Variants in PDE10A observed in about 807,000 individuals in gnomAD.
PDE10A encodes phosphodiesterase 10A.
Under a neutral mutation model 97.7 loss-of-function variants are expected in PDE10A, and 39 were observed. The observed-to-expected ratio is 0.40, with a 90% CI of 0.31 to 0.52. The LOEUF (loss-of-function observed/expected upper bound fraction) is 0.52. Among genes scored for constraint, PDE10A ranks in the 20% least tolerant of loss-of-function variants. The pLI, the probability that PDE10A is intolerant of heterozygous loss-of-function variation, is 0.56. For missense variants in PDE10A, 731 were observed against 1,047.8 expected (o/e 0.70, Z 4.17); for synonymous variants, 371 against 376.8 (o/e 0.98, Z 0.18).
rs1008326087 is a variant in PDE10A, at chr6:165,779,821, G to A, written c.-615+207708C>T. Among the ~76,000 whole-genome samples, 6 of 152,186 alleles carry A rather than the reference G, an allele frequency of 3.9e-5. No homozygotes were observed. The East Asian group carries it at 1.2e-3, about 29-fold the overall frequency. On this transcript the variant is annotated intron_variant, in intron 1 of 19. Coordinates refer to the PDE10A transcript ENST00000366882. ...CTGTCCCTGACTCTTCTTCCCACGT[G>A]GCCATGGCAGCTGCTTCTCCTCTTC... is the stretch of plus-strand genomic sequence containing the variant.
intron 3 of PDE10A, among the ~76,000 whole-genome samples, chr6:165,476,915 T>C (rs1378201550): frequency 6.6e-6 from 1 of 152,214 alleles, no homozygotes. Flanking sequence ...CAACTCAGCA[T>C]CCAAATACTC....
At chr6:165,499,739 A>T (rs1372538554) in intron 2 of PDE10A, among the ~76,000 whole-genome samples, 1 of 152,214 alleles carries the variant, frequency 6.6e-6, no homozygotes, top group Non-Finnish European at 1.5e-5. Flanking sequence ...TTTGCTCATG[A>T]ATGATTAACT....
At chr6:165,928,401 C>T (rs553532208) in intron 1 of PDE10A, among the ~76,000 whole-genome samples, 1 of 152,308 alleles carries the variant, frequency 6.6e-6, no homozygotes, top group Admixed American at 6.5e-5. Context: ...TTCTGCACAA[C>T]CTGCTGGACC....
chr6:165,725,628 C>T (rs2128449558), intron 1 of PDE10A, among the ~76,000 whole-genome samples: 1 of 130,924 alleles, frequency 7.6e-6, no homozygotes, highest in African/African-American at 2.6e-5. Flanking sequence ...ACTGGATGTA[C>T]TGAACCTGTC....
intron 1 of PDE10A, among the ~76,000 whole-genome samples, chr6:165,966,650 G>C (rs1784520496): frequency 6.6e-6 from 1 of 152,100 alleles, no homozygotes; most frequent in South Asian, 2.1e-4. Context: ...TTGAATCCTT[G>C]GTACAATTTT....
chr6:165,573,875 T>C (rs893708473), intron 1 of PDE10A, among the ~76,000 whole-genome samples: 3 of 152,186 alleles, frequency 2.0e-5, no homozygotes, highest in African/African-American at 7.2e-5. Flanking sequence ...CCCTCTGACA[T>C]CAGGGGAAGA....
At chr6:165,936,457 G>C (rs367724974) in intron 1 of PDE10A, among the ~76,000 whole-genome samples, 26 of 152,176 alleles carry the variant, frequency 1.7e-4, no homozygotes, top group Non-Finnish European at 3.5e-4. Flanking sequence ...AAATATTTTT[G>C]AGAAGGAAGA....
At chr6:165,461,468 C>T (rs1463832491) in intron 3 of PDE10A, among the ~76,000 whole-genome samples, 2 of 152,152 alleles carry the variant, frequency 1.3e-5, no homozygotes, top group Admixed American at 1.3e-4. Flanking sequence ...GCTCAAAAAG[C>T]AGAGCTTGTA....
rs1367582871 is a variant in PDE10A, at chr6:165,448,836, TA to T, written c.1194+91del. Reference sequence around the variant, plus strand: ...CAAAATGATTTAAATGAAAAGTACTTAATCATGAAATGTCGGTTGTTTATAA... The same window carrying T: ...CAAAATGATTTAAATGAAAAGTACTTATCATGAAATGTCGGTTGTTTATAA... On this transcript the variant is annotated intron_variant, in intron 5 of 21. Coordinates refer to ENST00000539869, the MANE Select transcript of PDE10A (RefSeq NM_001385079.1). The T allele has an allele frequency of 6.4e-6, 5 of 775,614 alleles. No individual in the cohort carries two copies. The Admixed American group carries it at 6.8e-5, about 11-fold the overall frequency. 48.0% of individuals were successfully genotyped at this position (775,614 alleles called of 1,614,324 possible). A position where few individuals can be genotyped will look rare whatever the true frequency, so the allele number is the denominator to read the frequency against.
chr6:165,573,210 A>G (rs889866453), intron 1 of PDE10A, among the ~76,000 whole-genome samples: 3 of 152,018 alleles, frequency 2.0e-5, no homozygotes, highest in Non-Finnish European at 4.4e-5. Flanking sequence ...ATTTTATAGA[A>G]TAATGTACTG....
Position 165,661,025 on chromosome 6 carries a change from T to C in PDE10A, c.865+922A>G, listed in dbSNP as rs549342731. ...CACCGGGCGCCTCCTCTTTCCTCAC[T>C]GTCTCCCGCCTGCCTGCTTCCTTCT... On this transcript the variant is annotated intron_variant, in intron 1 of 21. Coordinates refer to ENST00000539869, the MANE Select transcript of PDE10A (RefSeq NM_001385079.1). The surrounding 1 kb of genome is among the most constrained non-coding windows in gnomAD (Gnocchi z 4.8). The C allele has an allele frequency of 1.3e-5, 2 of 153,016 alleles. No homozygotes were observed. Among genetic ancestry groups the C allele is most frequent in the Non-Finnish European group, 1.5e-5 (1 of 68,726 alleles). The allele number at this position is 153,016 out of a possible 1,614,324, so 9.5% of individuals were successfully genotyped here.
At chr6:165,839,678 T>C (rs1780159523) in intron 1 of PDE10A, among the ~76,000 whole-genome samples, 1 of 150,766 alleles carries the variant, frequency 6.6e-6, no homozygotes, top group African/African-American at 2.4e-5. Context: ...CATCCTGATG[T>C]CCGTGTCCAT....
chr6:165,834,402 C>G (rs543565191), intron 1 of PDE10A, among the ~76,000 whole-genome samples: 1 of 152,210 alleles, frequency 6.6e-6, no homozygotes, highest in African/African-American at 2.4e-5. Flanking sequence ...CTGGGGGTGA[C>G]GCTGGCTAGT....
chr6:165,556,184 C>A (rs759329441), intron 1 of PDE10A, among the ~76,000 whole-genome samples: 6 of 152,042 alleles, frequency 3.9e-5, no homozygotes, highest in Non-Finnish European at 8.8e-5. Context: ...CAGGACTGGG[C>A]TGGGGGGGTC....
chr6:165,348,785 C>G (rs544010832), intron 18 of PDE10A, among the ~76,000 whole-genome samples: 1 of 152,256 alleles, frequency 6.6e-6, no homozygotes, highest in East Asian at 1.9e-4. Context: ...GCAGTTTCCC[C>G]CTTCCTGTTT....
chr6:165,981,789 C>T (rs1441329513), intron 1 of PDE10A, among the ~76,000 whole-genome samples: 5 of 152,218 alleles, frequency 3.3e-5, no homozygotes, highest in Admixed American at 6.5e-5. Context: ...TTTCCTCTTC[C>T]GAGGGCCATG....
At chr6:165,847,959 C>CCTTTCAGGGACCTT (rs1780465494) in intron 1 of PDE10A, among the ~76,000 whole-genome samples, 1 of 152,156 alleles carries the variant, frequency 6.6e-6, no homozygotes, top group African/African-American at 2.4e-5. Context: ...GTGCTACTGT[C>CCTTTCAGGGACCTT]TCAGGGACCT....
intron 13 of PDE10A, among the ~76,000 whole-genome samples, chr6:165,403,671 T>C (rs62443764): frequency 4.7e-3 from 720 of 152,326 alleles, no homozygotes; most frequent in Non-Finnish European, 8.8e-3. Flanking sequence ...ATATCATTAG[T>C]CAAATTAAAT....
At chr6:165,892,248 G>C (rs1781824048) in intron 1 of PDE10A, among the ~76,000 whole-genome samples, 1 of 152,172 alleles carries the variant, frequency 6.6e-6, no homozygotes, top group African/African-American at 2.4e-5. Context: ...TGGACCATGA[G>C]GTGAGAGTTC....
Sources: gnomAD v4.1 joint callset for allele counts (sites outside exome capture counted in the v4.1 genomes callset) on GRCh38, gnomAD v4.1.1 for gene constraint, Gnocchi (gnomAD v3.1) non-coding constraint, MANE v1.5 for transcripts, NCBI Gene and HGNC (gene_info 2026-07-23, HGNC 2026-07-21) for gene names.